Variants in PDPR observed in about 807,000 individuals in gnomAD.
The protein encoded by PDPR is pyruvate dehydrogenase phosphatase regulatory subunit, mitochondrial.
A neutral mutation model predicts 102.2 loss-of-function variants in PDPR; 50 were observed. The observed-to-expected ratio is 0.49, with a 90% CI of 0.39 to 0.62. The LOEUF (loss-of-function observed/expected upper bound fraction) is 0.62, where lower values mean the gene tolerates loss of function less well. Among genes scored for constraint, PDPR ranks in the 20% least tolerant of loss-of-function variants. The pLI is 0.00. For missense variants in PDPR, 625 were observed against 1,098.2 expected, an observed-to-expected ratio of 0.57 and a Z score of 6.09; for synonymous variants, 259 against 406.0, an observed-to-expected ratio of 0.64 and a Z score of 4.35.
At chr16:70,146,331 T>A in intron 16 of PDPR, 103 bp downstream of exon 16, 1 of 1,572,950 alleles carries the variant, frequency 6.4e-7, no homozygotes. Flanking sequence ...CCACAAAGAG[T>A]GTCTTGGCTG....
chr16:70,116,585 G>A (rs1341055082), intron 2 of PDPR, among the ~76,000 whole-genome samples: 2 of 143,818 alleles, frequency 1.4e-5, no homozygotes, highest in Non-Finnish European at 1.5e-5. Flanking sequence ...ACACAAGATT[G>A]GCCTGTGTGG....
At position 70,131,961 on chromosome 16, in the gene PDPR, G is replaced by A. The variant is rs1262493687; in HGVS notation, c.848-190G>A. 2.0e-6 allele frequency: 3 copies of A among 1,515,876 alleles called. No homozygotes were observed. In the African/African-American group the frequency reaches 4.1e-5, roughly 21 times the overall value. The allele number at this position is 1,515,876 out of a possible 1,614,324, so 93.9% of individuals were successfully genotyped here. On this transcript the variant is annotated intron_variant, in intron 8 of 18. Coordinates refer to ENST00000288050, the MANE Select transcript of PDPR (RefSeq NM_017990.5). ...GTCTCCACTGAAAGGCTAAATGGGA[G>A]GATCTTCCCCCGTGACCTCAAAAGG...
intron 3 of PDPR, among the ~76,000 whole-genome samples, chr16:70,125,259 C>CT: frequency 6.6e-6 from 1 of 152,236 alleles, no homozygotes; most frequent in East Asian, 1.9e-4. Context: ...ACCTGTAATC[C>CT]TAGCTACTTG....
intron 8 of PDPR, 35 bp downstream of exon 8, chr16:70,131,454 C>T: frequency 6.8e-7 from 1 of 1,464,788 alleles, no homozygotes; most frequent in African/African-American, 1.4e-5. Flanking sequence ...AATCTTGTTT[C>T]TTTGCCAGTA....
rs756928194 is a variant in PDPR, at chr16:70,120,640, G to T, written c.148G>T (p.Gly50Cys). ...CCAGGCACAGGTGGTCATCTGTGGAGGTGGAATCACGGGCACTTCTGTGGC... is the reference window on the plus strand; with the variant it reads ...CCAGGCACAGGTGGTCATCTGTGGATGTGGAATCACGGGCACTTCTGTGGC... ...PTQAQVVICGGGITGTSVAYH... is the reference protein window; with the variant it reads ...PTQAQVVICGCGITGTSVAYH... The change falls in exon 3 of 19, where the codon GGT (glycine) becomes TGT (cysteine). Residue 50 changes from glycine to cysteine, a missense_variant. Coordinates refer to ENST00000288050, the MANE Select transcript of PDPR (RefSeq NM_017990.5). 8.1e-6 allele frequency: 13 copies of T among 1,613,798 alleles called. No homozygotes were observed. Among genetic ancestry groups the T allele is most frequent in the African/African-American group, 4.0e-5 (3 of 74,928 alleles).
At position 70,153,558 on chromosome 16, in the gene PDPR, G is replaced by T; in HGVS notation, c.2220G>T (p.Arg740=). Residue 740 remains arginine (R), a synonymous_variant, in exon 18 of 19, where the codon CGG becomes CGT. Transcript: ENST00000288050. Reference sequence around the variant, plus strand: ...CCCTGGAATGTGGACGAGAGTCTCGGGTGAAATTAGAGAAGGTACTGTGTT... The same window carrying T: ...CCCTGGAATGTGGACGAGAGTCTCGTGTGAAATTAGAGAAGGTACTGTGTT... The part of the protein sequence containing the change: ...TTPLECGRES[R]VKLEKGMDFI... 1 of 1,605,140 alleles carries T rather than the reference G, an allele frequency of 6.2e-7. No individual in the cohort carries two copies. The highest frequency in any genetic ancestry group is 2.2e-5 in the East Asian group (1 of 44,544).
chr16:70,148,335 T>C (rs1339488464), intron 16 of PDPR, 129 bp from the exon 17 acceptor site: 2 of 778,026 alleles, frequency 2.6e-6, no homozygotes, highest in African/African-American at 3.4e-5. Context: ...GGGATGAAAT[T>C]CTTGCCTTGA....
At chr16:70,150,082 C>G (rs1416951342) in intron 17 of PDPR, among the ~76,000 whole-genome samples, 1 of 151,458 alleles carries the variant, frequency 6.6e-6, no homozygotes, top group East Asian at 1.9e-4. Flanking sequence ...AGCCACCGCA[C>G]CCGGCCGGCT....
At chr16:70,123,635 G>A (rs1203279027) in intron 3 of PDPR, among the ~76,000 whole-genome samples, 5 of 152,240 alleles carry the variant, frequency 3.3e-5, no homozygotes, top group Non-Finnish European at 2.9e-5. Context: ...TAAACTAATC[G>A]CAGTGTAAAT....
At position 70,143,901 on chromosome 16, in the gene PDPR, T is replaced by C. The variant is rs201390663; in HGVS notation, c.1754+243T>C. ...AAGATGCCTTGTCTTTTTTCTTTTT[T>C]TTTTTTTTGAGACAGGGTCTCACTT... On this transcript the variant is annotated intron_variant, in intron 14 of 18. Coordinates refer to ENST00000288050, the MANE Select transcript of PDPR (RefSeq NM_017990.5). 4.6e-5 allele frequency among the ~76,000 whole-genome samples: 7 copies of C among 152,344 alleles called. No individual in the cohort carries two copies. In the East Asian group the frequency reaches 1.2e-3, roughly 25 times the overall value.
Position 70,120,332 on chromosome 16 carries a change from G to T in PDPR, c.-32-129G>T, listed in dbSNP as rs553437892. ...CCCAGAGTGCTGGGATTACAGGTGTGAGGCACCATGCCCAGCCACCCTCAA... is the reference window on the plus strand; with the variant it reads ...CCCAGAGTGCTGGGATTACAGGTGTTAGGCACCATGCCCAGCCACCCTCAA... On this transcript the variant is annotated intron_variant, in intron 2 of 18. Transcript: ENST00000288050. 3.4e-3 allele frequency: 2,110 copies of T among 621,000 alleles called. 7 individuals carry two copies. Among genetic ancestry groups the T allele is most frequent in the Non-Finnish European group, 4.9e-3 (1,697 of 343,540 alleles). 38.5% of individuals were successfully genotyped at this position (621,000 alleles called of 1,614,324 possible).
chr16:70,122,147 C>T (rs140822415), intron 3 of PDPR, among the ~76,000 whole-genome samples: 88 of 152,310 alleles, frequency 5.8e-4, no homozygotes, highest in African/African-American at 1.9e-3. Context: ...CCACCATGCC[C>T]GGCTAATTTC....
At position 70,142,658 on chromosome 16, in the gene PDPR, T is replaced by A; in HGVS notation, c.1577T>A (p.Met526Lys). 6.2e-7 allele frequency: 1 copy of A among 1,614,070 alleles called. No homozygotes were observed. Among genetic ancestry groups the A allele is most frequent in the Non-Finnish European group, 8.5e-7 (1 of 1,179,912 alleles). Residue 526 changes from methionine to lysine, a missense_variant, in exon 13 of 19, where the codon ATG becomes AAG. Around this residue, in one of 11 missense-constraint regions of PDPR, gnomAD observed 28 missense variants for 141.2 expected, o/e 0.20. Transcript: ENST00000288050. Reference sequence around the variant, plus strand: ...AAGGAAGCTGTGTGTGTCATTGACATGTCCTCTTTCACAAAGTTTGAGATA... The same window carrying A: ...AAGGAAGCTGTGTGTGTCATTGACAAGTCCTCTTTCACAAAGTTTGAGATA... Reference protein sequence around the residue: ...CCKEAVCVIDMSSFTKFEITS... With the variant: ...CCKEAVCVIDKSSFTKFEITS...
At chr16:70,140,416 A>G (rs1429477632) in intron 11 of PDPR, among the ~76,000 whole-genome samples, 4 of 152,394 alleles carry the variant, frequency 2.6e-5, no homozygotes, top group Non-Finnish European at 4.4e-5. Flanking sequence ...TTCCCTACCC[A>G]TAGTTACTTT....
At position 70,159,682 on chromosome 16, in the gene PDPR, A is replaced by T. The variant is rs1340368378; in HGVS notation, c.*2803A>T. The T allele has an allele frequency of 6.5e-6, 1 of 152,812 alleles. No individual in the cohort carries two copies. The highest frequency in any genetic ancestry group is 2.4e-5 in the African/African-American group (1 of 41,486). The allele number at this position is 152,812 out of a possible 1,614,324, so 9.5% of individuals were successfully genotyped here. On this transcript the variant is annotated 3_prime_UTR_variant, in exon 19 of 19. Transcript: ENST00000288050. ...TGTCCAAGCATCTTAGCTGTTCAAGAGGAGAGGGCAGCATAACTTCCTGAC... is the reference window on the plus strand; with the variant it reads ...TGTCCAAGCATCTTAGCTGTTCAAGTGGAGAGGGCAGCATAACTTCCTGAC...
intron 14 of PDPR, among the ~76,000 whole-genome samples, chr16:70,143,982 C>G (rs368608588): frequency 6.6e-6 from 1 of 152,182 alleles, no homozygotes; most frequent in Non-Finnish European, 1.5e-5. Context: ...GCCTGGACCT[C>G]CTGGGCTCAA....
At chr16:70,133,945 C>T (rs1376491823) in intron 9 of PDPR, among the ~76,000 whole-genome samples, 1 of 152,206 alleles carries the variant, frequency 6.6e-6, no homozygotes, top group Non-Finnish European at 1.5e-5. Flanking sequence ...GTTGGTCAGG[C>T]TGGTTTCGAA....
In PDPR at chr16:70,158,110, C is replaced by T. The variant is rs12448586; in HGVS notation, c.*1231C>T. 0.14 allele frequency: 20,771 copies of T among 146,352 alleles called. 1 individual carries two copies. The highest frequency in any genetic ancestry group is 0.18 in the Non-Finnish European group (11,747 of 64,884). 9.1% of individuals were successfully genotyped at this position (146,352 alleles called of 1,614,324 possible). ...TCCTTTCCCCCCAGGCTCTTTGTTTCCCTCCACCCACCCTTCCATATCCTC... is the reference window on the plus strand; with the variant it reads ...TCCTTTCCCCCCAGGCTCTTTGTTTTCCTCCACCCACCCTTCCATATCCTC... On this transcript the variant is annotated 3_prime_UTR_variant, in exon 19 of 19. Transcript: ENST00000288050.
At chr16:70,141,002 C>G (rs1241220257) in intron 11 of PDPR, among the ~76,000 whole-genome samples, 5 of 152,250 alleles carry the variant, frequency 3.3e-5, no homozygotes, top group Admixed American at 6.5e-5. Flanking sequence ...CCACAGATCA[C>G]ACTCTTCTGG....
Sources: allele counts gnomAD v4.1 joint callset (sites outside exome capture counted in the v4.1 genomes callset), GRCh38; gene constraint gnomAD v4.1.1; regional missense constraint gnomAD v4.1.1; transcripts MANE v1.5; gene names NCBI Gene and HGNC (gene_info 2026-07-23, HGNC 2026-07-21).